The following ANK2 variants were observed in gnomAD, a reference collection of about 807,000 sequenced individuals.
ANK2 encodes the protein ankyrin 2, also known as ankyrin-2.
Under a neutral mutation model 360.5 loss-of-function variants are expected in ANK2, and 83 were observed. That is an observed-to-expected ratio of 0.23 (90% CI 0.19 to 0.28). The LOEUF (loss-of-function observed/expected upper bound fraction) is 0.28. Among genes scored for constraint, ANK2 ranks in the 10% least tolerant of loss-of-function variants. The pLI, the probability that ANK2 is intolerant of heterozygous loss-of-function variation, is 1.00. For missense variants in ANK2, 4,201 were observed against 4,795.7 expected (o/e 0.88, Z 3.66); for synonymous variants, 1,740 against 1,759.5 (o/e 0.99, Z 0.28).
In ANK2 at chr4:113,355,647, G is replaced by A. The variant is rs777427207; in HGVS notation, c.7029G>A (p.Leu2343=). The change falls in exon 38 of 46, where the codon CTG becomes CTA. Residue 2343 remains leucine, a synonymous_variant. Coordinates refer to ENST00000357077, the MANE Select transcript of ANK2 (RefSeq NM_001148.6). ...VALAKETPTG[L]TEEAACDEGQ... ...TAGCTAAAGAGACACCTACAGGACT[G>A]ACTGAGGAGGCAGCCTGTGATGAAG... is the stretch of plus-strand genomic sequence containing the variant. 9.9e-6 allele frequency: 16 copies of A among 1,614,088 alleles called. No individual in the cohort carries two copies. The highest frequency in any genetic ancestry group is 1.4e-5 in the Non-Finnish European group (16 of 1,179,984).
intron 4 of ANK2, among the ~76,000 whole-genome samples, chr4:113,227,037 G>C (rs1009084688): frequency 5.9e-5 from 9 of 152,172 alleles, no homozygotes; most frequent in African/African-American, 2.2e-4. Context: ...CAATACAGTT[G>C]TGTTCTTAAG....
chr4:112,743,809 T>G, the ANK2 span, among the ~76,000 whole-genome samples: 20 of 151,834 alleles, frequency 1.3e-4, no homozygotes, highest in Non-Finnish European at 8.8e-5. Context: ...CCTCCCAAAG[T>G]GCTGGGATTA....
At chr4:112,763,662 G>C in the ANK2 span, among the ~76,000 whole-genome samples, 1 of 151,688 alleles carries the variant, frequency 6.6e-6, no homozygotes, top group Non-Finnish European at 1.5e-5. Flanking sequence ...CTCTGTAGTA[G>C]CTGGGACTAC....
intron 1 of ANK2, among the ~76,000 whole-genome samples, chr4:113,117,764 G>A (rs539289835): frequency 1.1e-4 from 17 of 152,246 alleles, no homozygotes; most frequent in African/African-American, 4.1e-4. Flanking sequence ...TACGGTTGGA[G>A]GGTTAAAGTA....
intron 20 of ANK2, 137 bp downstream of exon 20, chr4:113,288,623 A>T: frequency 1.3e-6 from 1 of 749,094 alleles, no homozygotes; most frequent in South Asian, 1.6e-5. Flanking sequence ...GAGGTGATGT[A>T]GTTTTGTAAT....
intron 2 of ANK2, among the ~76,000 whole-genome samples, chr4:113,010,592 A>G (rs1415023446): frequency 6.6e-6 from 1 of 152,108 alleles, no homozygotes; most frequent in East Asian, 1.9e-4. Flanking sequence ...AAAGAAACAA[A>G]TGAGACCATC....
At chr4:112,957,633 C>G (rs1209309671) in intron 2 of ANK2, among the ~76,000 whole-genome samples, 1 of 136,350 alleles carries the variant, frequency 7.3e-6, no homozygotes, top group Non-Finnish European at 1.7e-5. Context: ...GGCGGCTGGC[C>G]GGGCGGGGGG....
chr4:113,226,774 A>T (rs2099228569), intron 4 of ANK2, among the ~76,000 whole-genome samples: 2 of 152,112 alleles, frequency 1.3e-5, no homozygotes, highest in African/African-American at 2.4e-5. Flanking sequence ...TATGGACAGG[A>T]GTAATGTTCA....
chr4:113,247,942 A>T (rs2043934285), intron 9 of ANK2, among the ~76,000 whole-genome samples: 1 of 152,224 alleles, frequency 6.6e-6, no homozygotes. Context: ...TTTTATCAGG[A>T]TACAAAAGTG....
At chr4:113,070,818 A>C (rs1183586094) in intron 1 of ANK2, among the ~76,000 whole-genome samples, 1 of 152,088 alleles carries the variant, frequency 6.6e-6, no homozygotes, top group Non-Finnish European at 1.5e-5. Flanking sequence ...TAATTAAATT[A>C]ATTTATGGTA....
intron 1 of ANK2, among the ~76,000 whole-genome samples, chr4:112,884,311 G>A (rs1256889681): frequency 2.0e-5 from 3 of 152,090 alleles, no homozygotes; most frequent in Admixed American, 1.3e-4. Flanking sequence ...TTGGTAAAGG[G>A]CTAGGTAGGA....
chr4:112,972,601 C>T (rs535928046), intron 2 of ANK2, among the ~76,000 whole-genome samples: 43 of 152,142 alleles, frequency 2.8e-4, no homozygotes, highest in African/African-American at 7.7e-4. Context: ...GTACACGGGA[C>T]GTTACATATA....
chr4:112,892,323 A>G (rs2080285683), intron 1 of ANK2, among the ~76,000 whole-genome samples: 1 of 152,234 alleles, frequency 6.6e-6, no homozygotes, highest in Admixed American at 6.5e-5. Context: ...GACTAACTTT[A>G]TTAAGCTTGG....
chr4:112,854,447 T>C (rs921493171), intron 1 of ANK2, among the ~76,000 whole-genome samples: 2 of 152,306 alleles, frequency 1.3e-5, no homozygotes, highest in East Asian at 3.9e-4. Flanking sequence ...TGTGGTGATA[T>C]GATAGCCTTG....
chr4:112,794,312 C>T, the ANK2 span, among the ~76,000 whole-genome samples: 1 of 152,014 alleles, frequency 6.6e-6, no homozygotes, highest in East Asian at 1.9e-4. Flanking sequence ...ATTTGATGTC[C>T]TTAAAGTAGT....
intron 18 of ANK2, among the ~76,000 whole-genome samples, chr4:113,284,026 T>C (rs1190408897): frequency 6.6e-6 from 1 of 152,208 alleles, no homozygotes; most frequent in African/African-American, 2.4e-5. Flanking sequence ...TTCCTGTACA[T>C]CCCCTGCCCT....
At chr4:113,277,791 G>A (rs769532343) in intron 15 of ANK2, 46 bp from the exon 16 acceptor site, 26 of 1,488,206 alleles carry the variant, frequency 1.7e-5, no homozygotes, top group Non-Finnish European at 2.3e-5. Flanking sequence ...TTTTTGAGGA[G>A]TTACAACAAT....
chr4:112,837,891 G>A lies in ANK2; in HGVS notation c.-40+19627G>A, dbSNP rs577961725. Reference sequence around the variant, plus strand: ...CTCATAGGCAGAAGGGACTTGCCTTGTCTCAGATTAGACTTTGCACTTAGA... The same window carrying A: ...CTCATAGGCAGAAGGGACTTGCCTTATCTCAGATTAGACTTTGCACTTAGA... On this transcript the variant is annotated intron_variant, in intron 1 of 30. Coordinates refer to the ANK2 transcript ENST00000503271. 5.9e-5 allele frequency among the ~76,000 whole-genome samples: 9 copies of A among 152,342 alleles called. No homozygotes were observed. The East Asian group carries it at 1.7e-3, about 29-fold the overall frequency.
At chr4:113,372,690 C>A in intron 43 of ANK2, 1 of 1,167,536 alleles carries the variant, frequency 8.6e-7, no homozygotes, top group Non-Finnish European at 1.2e-6. Flanking sequence ...GAGTGATCAA[C>A]CTGGATCAAT....
Sources: gnomAD v4.1 joint callset for allele counts (sites outside exome capture counted in the v4.1 genomes callset) on GRCh38, gnomAD v4.1.1 for gene constraint, MANE v1.5 for transcripts, NCBI Gene and HGNC (gene_info 2026-07-23, HGNC 2026-07-21) for gene names.